The following GPC5 variants were observed in gnomAD, a reference collection of about 807,000 sequenced individuals.
The protein encoded by GPC5 is glypican-5.
A neutral mutation model predicts 53.9 loss-of-function variants in GPC5; 47 were observed. That is an observed-to-expected ratio of 0.87 (90% CI 0.69 to 1.11). The LOEUF (loss-of-function observed/expected upper bound fraction) is 1.11. Among genes scored for constraint, GPC5 ranks in the 50% most tolerant of loss-of-function variants. GPC5 has a pLI of 0.00. For missense variants in GPC5, 748 were observed against 713.1 expected, an observed-to-expected ratio of 1.05 and a Z score of -0.56; for synonymous variants, 286 against 263.3, an observed-to-expected ratio of 1.09 and a Z score of -0.84.
chr13:92,110,538 A>G (rs1001545141), intron 6 of GPC5, among the ~76,000 whole-genome samples: 1 of 152,152 alleles, frequency 6.6e-6, no homozygotes, highest in Non-Finnish European at 1.5e-5. Context: ...GAAAAAAAAA[A>G]AGACCCACAG....
At chr13:92,346,765 C>G (rs1050714458) in intron 7 of GPC5, among the ~76,000 whole-genome samples, 1 of 151,980 alleles carries the variant, frequency 6.6e-6, no homozygotes, top group Non-Finnish European at 1.5e-5. Flanking sequence ...TAAAGAAGTT[C>G]AGTAAACTAT....
intron 6 of GPC5, among the ~76,000 whole-genome samples, chr13:92,144,083 C>T (rs1266330409): frequency 6.6e-6 from 1 of 152,160 alleles, no homozygotes; most frequent in African/African-American, 2.4e-5. Flanking sequence ...CTATTTATAA[C>T]ATCACCTTTC....
chr13:91,821,845 C>T (rs1166089871), intron 5 of GPC5, among the ~76,000 whole-genome samples: 1 of 152,044 alleles, frequency 6.6e-6, no homozygotes, highest in Non-Finnish European at 1.5e-5. Context: ...ATTTCTGTAT[C>T]TGTAACTATG....
intron 7 of GPC5, among the ~76,000 whole-genome samples, chr13:92,523,273 A>G (rs1442289127): frequency 1.3e-5 from 2 of 152,092 alleles, no homozygotes; most frequent in Non-Finnish European, 1.5e-5. Flanking sequence ...ACAACAACAA[A>G]CAAGTGTTCC....
At chr13:91,908,435 G>A (rs954933823) in intron 6 of GPC5, among the ~76,000 whole-genome samples, 8 of 152,054 alleles carry the variant, frequency 5.3e-5, no homozygotes, top group African/African-American at 1.9e-4. Flanking sequence ...TTCTCTGAAT[G>A]TTACTGTGAA....
intron 7 of GPC5, among the ~76,000 whole-genome samples, chr13:92,518,438 A>C (rs1880882211): frequency 6.6e-6 from 1 of 152,174 alleles, no homozygotes; most frequent in South Asian, 2.1e-4. Context: ...CTCGGCAGAA[A>C]CTCTACAAGC....
chr13:91,410,320 T>A (rs549826922), intron 1 of GPC5, among the ~76,000 whole-genome samples: 1 of 151,148 alleles, frequency 6.6e-6, no homozygotes, highest in Non-Finnish European at 1.5e-5. Context: ...AGAGAAATCA[T>A]AGTAGAATCG....
chr13:92,150,644 T>A (rs1411747), intron 7 of GPC5, among the ~76,000 whole-genome samples: 20,585 of 151,950 alleles, frequency 0.14, 1,647 homozygotes, highest in Admixed American at 0.17. Context: ...AAAAGGTTTG[T>A]CCTTGAATGC....
chr13:92,348,994 TACTCATCAAGCAGCCAGAGAAAA>T, intron 7 of GPC5, among the ~76,000 whole-genome samples: 1 of 152,204 alleles, frequency 6.6e-6, no homozygotes, highest in African/African-American at 2.4e-5. Context: ...CAATTAATCT[TACTCATCAAGCAGCCAGAGAAAA>T]ACTAAACACA....
At chr13:92,370,410 C>G (rs891350928) in intron 7 of GPC5, among the ~76,000 whole-genome samples, 1 of 152,008 alleles carries the variant, frequency 6.6e-6, no homozygotes, top group Non-Finnish European at 1.5e-5. Flanking sequence ...GATAAGCAAG[C>G]CTATTATGTC....
chr13:91,877,777 C>T (rs1348056073), intron 5 of GPC5, among the ~76,000 whole-genome samples: 3 of 151,994 alleles, frequency 2.0e-5, no homozygotes, highest in Non-Finnish European at 2.9e-5. Flanking sequence ...TTTGGAGGGG[C>T]CAGAGGTGGA....
At chr13:91,571,795 GTATA>G (rs1251466417) in intron 2 of GPC5, among the ~76,000 whole-genome samples, 4 of 120,108 alleles carry the variant, frequency 3.3e-5, no homozygotes, top group African/African-American at 1.0e-4. Flanking sequence ...ATACGTGTGT[GTATA>G]TATACACACA....
intron 7 of GPC5, among the ~76,000 whole-genome samples, chr13:92,832,073 T>C (rs911065700): frequency 1.3e-5 from 2 of 152,168 alleles, no homozygotes; most frequent in African/African-American, 4.8e-5. Context: ...AATGAATGAC[T>C]TAAAGAATGT....
intron 3 of GPC5, among the ~76,000 whole-genome samples, chr13:91,714,963 C>T (rs1463152788): frequency 6.6e-6 from 1 of 152,228 alleles, no homozygotes; most frequent in Non-Finnish European, 1.5e-5. Context: ...AGCAGAGCTC[C>T]TCCATAGGCA....
chr13:92,476,589 G>A (rs1380609879), intron 7 of GPC5, among the ~76,000 whole-genome samples: 2 of 150,438 alleles, frequency 1.3e-5, no homozygotes, highest in African/African-American at 5.0e-5. Context: ...AAAGACACAT[G>A]CACACGTATG....
At chr13:92,521,214 C>T (rs576413628) in intron 7 of GPC5, among the ~76,000 whole-genome samples, 1 of 152,226 alleles carries the variant, frequency 6.6e-6, no homozygotes, top group Non-Finnish European at 1.5e-5. Flanking sequence ...AGGTAATTTA[C>T]AGAGTCGATG....
rs182330391 is a variant in GPC5, at chr13:92,505,028, G to A, written c.1561+360039G>A. ...GACTACATCAAAATCTAAAATTTTTGTTCTTTGAACTTACTGTTAAGAAAC... is the reference window on the plus strand; with the variant it reads ...GACTACATCAAAATCTAAAATTTTTATTCTTTGAACTTACTGTTAAGAAAC... On this transcript the variant is annotated intron_variant, in intron 7 of 7. Coordinates refer to ENST00000377067, the MANE Select transcript of GPC5 (RefSeq NM_004466.6). 1.2e-3 allele frequency among the ~76,000 whole-genome samples: 175 copies of A among 151,242 alleles called. 1 individual carries two copies. Among genetic ancestry groups the A allele is most frequent in the African/African-American group, 3.6e-3 (148 of 41,312 alleles).
At chr13:92,643,175 G>A (rs1303768120) in intron 7 of GPC5, among the ~76,000 whole-genome samples, 51 of 151,986 alleles carry the variant, frequency 3.4e-4, no homozygotes, top group Non-Finnish European at 6.6e-4. Context: ...TTTGTAGGTT[G>A]CCTGTTCACT....
intron 7 of GPC5, among the ~76,000 whole-genome samples, chr13:92,432,555 T>A (rs939638982): frequency 9.3e-5 from 14 of 150,550 alleles, no homozygotes; most frequent in Admixed American, 2.0e-4. Flanking sequence ...TTTTTTTTTT[T>A]AAATAGAGAC....
Sources: gnomAD v4.1 joint callset for allele counts (sites outside exome capture counted in the v4.1 genomes callset) on GRCh38, gnomAD v4.1.1 for gene constraint, MANE v1.5 for transcripts, NCBI Gene and HGNC (gene_info 2026-07-23, HGNC 2026-07-21) for gene names.